Variants in TRIM9 observed in about 807,000 individuals in gnomAD.
The protein encoded by TRIM9 is tripartite motif containing 9.
In TRIM9, 26 loss-of-function variants were observed where a neutral mutation model predicts 78.3. The ratio of observed to expected loss-of-function variants is 0.33; its 90% CI spans 0.24 to 0.46. TRIM9 has a LOEUF of 0.46. TRIM9 is among the 20% of genes least tolerant of loss of function. The pLI, the probability that TRIM9 is intolerant of heterozygous loss-of-function variation, is 1.00. For synonymous variants in TRIM9, 398 were observed against 416.5 expected (o/e 0.96, Z 0.54); for missense variants, 787 against 1,036.4 (o/e 0.76, Z 3.30).
intron 3 of TRIM9, among the ~76,000 whole-genome samples, chr14:51,016,915 T>C (rs1280492483): frequency 2.0e-5 from 3 of 152,204 alleles, no homozygotes; most frequent in African/African-American, 7.2e-5. Context: ...ACTGTACTTT[T>C]AAGATGCAAG....
Position 51,010,492 on chromosome 14 carries a change from C to G in TRIM9, c.1044G>C (p.Val348=), listed in dbSNP as rs2056432724. Reference sequence around the variant, plus strand: ...TGCAGTGAGAGATCTGATCTCGAACCACCTAGGATTAAAAAAAAAACAACA... The same window carrying G: ...TGCAGTGAGAGATCTGATCTCGAACGACCTAGGATTAAAAAAAAAACAACA... The part of the protein sequence containing the change: ...VNKEHEHKLK[V]VRDQISHCTV... Residue 348 remains valine, a splice_region_variant and synonymous_variant, in exon 4 of 13, where the codon GTG becomes GTC. Transcript: ENST00000684578. The G allele has an allele frequency of 1.9e-6, 3 of 1,610,150 alleles. No homozygotes were observed. Among genetic ancestry groups the G allele is most frequent in the African/African-American group, 1.3e-5 (1 of 74,606 alleles).
intron 1 of TRIM9, among the ~76,000 whole-genome samples, chr14:51,077,754 G>A (rs1170578483): frequency 2.0e-5 from 3 of 152,100 alleles, no homozygotes; most frequent in Non-Finnish European, 4.4e-5. Context: ...GAAAAGACAC[G>A]GATATGAAAT....
intron 7 of TRIM9, chr14:50,996,853 T>A (rs1041564668): frequency 1.0e-6 from 1 of 985,444 alleles, no homozygotes; most frequent in South Asian, 4.7e-5. Flanking sequence ...TGGAATAGCA[T>A]CACTTAGACT....
intron 1 of TRIM9, among the ~76,000 whole-genome samples, chr14:51,026,695 CT>C (rs2058260306): frequency 6.6e-6 from 1 of 152,248 alleles, no homozygotes; most frequent in African/African-American, 2.4e-5. Context: ...GGCACTGACT[CT>C]CTAAAAATAT....
At chr14:51,089,733 A>T (rs576258608) in intron 1 of TRIM9, among the ~76,000 whole-genome samples, 35 of 152,338 alleles carry the variant, frequency 2.3e-4, no homozygotes, top group Non-Finnish European at 3.5e-4. Context: ...CCCATGAGGA[A>T]GAGTCTCACT....
At chr14:51,034,880 C>T (rs2059008166) in intron 1 of TRIM9, among the ~76,000 whole-genome samples, 1 of 152,090 alleles carries the variant, frequency 6.6e-6, no homozygotes, top group African/African-American at 2.4e-5. Flanking sequence ...ATTCTATCAC[C>T]TATAAAAATT....
chr14:51,008,898 G>A (rs980378165), intron 5 of TRIM9, among the ~76,000 whole-genome samples, 182 bp downstream of exon 5: 7 of 152,186 alleles, frequency 4.6e-5, no homozygotes, highest in African/African-American at 1.2e-4. Context: ...GCATTGAGTT[G>A]ATCTGAATTT....
intron 1 of TRIM9, among the ~76,000 whole-genome samples, chr14:51,030,873 G>T (rs1265481182): frequency 2.0e-5 from 3 of 151,996 alleles, no homozygotes; most frequent in African/African-American, 7.3e-5. Context: ...GAGGCCGGGC[G>T]TGGTGGCTCA....
At chr14:51,016,092 T>C (rs2057158157) in intron 3 of TRIM9, among the ~76,000 whole-genome samples, 1 of 152,180 alleles carries the variant, frequency 6.6e-6, no homozygotes, top group Non-Finnish European at 1.5e-5. Context: ...CTCAAGTCCC[T>C]GATATAAAAT....
chr14:51,045,879 GATTTTTTGT>G (rs1164824875), intron 1 of TRIM9, among the ~76,000 whole-genome samples: 1 of 152,004 alleles, frequency 6.6e-6, no homozygotes, highest in Non-Finnish European at 1.5e-5. Context: ...CATGTTCATG[GATTTTTTGT>G]AATGGTGAAG....
chr14:51,085,065 G>A (rs2063627341), intron 1 of TRIM9, among the ~76,000 whole-genome samples: 1 of 152,202 alleles, frequency 6.6e-6, no homozygotes, highest in African/African-American at 2.4e-5. Flanking sequence ...CTGATAGACA[G>A]CGCAGGCCAG....
chr14:51,039,077 C>T (rs77208684), intron 1 of TRIM9, among the ~76,000 whole-genome samples: 5,181 of 152,250 alleles, frequency 0.034, 315 homozygotes, highest in African/African-American at 0.12. Flanking sequence ...TTTAGAAGGC[C>T]TTACCAGGCC....
intron 7 of TRIM9, among the ~76,000 whole-genome samples, chr14:50,994,580 G>A (rs2053957318): frequency 1.3e-5 from 2 of 152,196 alleles, no homozygotes; most frequent in African/African-American, 4.8e-5. Flanking sequence ...GATAGGAAGA[G>A]GGAAACTAGA....
chr14:51,039,754 A>AG (rs2059434996), intron 1 of TRIM9, among the ~76,000 whole-genome samples: 3 of 136,222 alleles, frequency 2.2e-5, no homozygotes, highest in Non-Finnish European at 5.0e-5. Flanking sequence ...TTTTAAATAA[A>AG]CTTTTTTTTT....
At chr14:51,014,388 T>A (rs931337652) in intron 3 of TRIM9, among the ~76,000 whole-genome samples, 1 of 152,184 alleles carries the variant, frequency 6.6e-6, no homozygotes. Context: ...GGACTCAATA[T>A]TCTTGAGTTC....
intron 5 of TRIM9, among the ~76,000 whole-genome samples, chr14:51,003,874 G>A (rs1028235463): frequency 1.3e-5 from 2 of 152,158 alleles, no homozygotes; most frequent in African/African-American, 2.4e-5. Flanking sequence ...AGGTGAATGT[G>A]CCAAAATTAC....
intron 1 of TRIM9, among the ~76,000 whole-genome samples, chr14:51,091,791 T>C (rs1391111479): frequency 6.6e-6 from 1 of 152,222 alleles, no homozygotes; most frequent in African/African-American, 2.4e-5. Context: ...AGCCTACTTA[T>C]GTCATGTTTC....
At chr14:51,087,100 G>C (rs2063829736) in intron 1 of TRIM9, among the ~76,000 whole-genome samples, 1 of 152,066 alleles carries the variant, frequency 6.6e-6, no homozygotes, top group Non-Finnish European at 1.5e-5. Flanking sequence ...TTGGCAGGCT[G>C]GTCTGGTCCA....
At chr14:51,066,076 GGAAGGAA>G (rs1566631021) in intron 1 of TRIM9, among the ~76,000 whole-genome samples, 1,401 of 130,782 alleles carry the variant, frequency 0.011, 34 homozygotes, top group African/African-American at 0.039. Context: ...AAGGAAGGAA[GGAAGGAA>G]GGAAGGAGGG....
Sources: gnomAD v4.1 joint callset for allele counts (sites outside exome capture counted in the v4.1 genomes callset) on GRCh38, gnomAD v4.1.1 for gene constraint, MANE v1.5 for transcripts, NCBI Gene and HGNC (gene_info 2026-07-23, HGNC 2026-07-21) for gene names.